Variants in GPC5 observed in about 807,000 individuals in gnomAD.
GPC5 encodes the protein glypican-5.
A neutral mutation model predicts 53.9 loss-of-function variants in GPC5; 47 were observed. The ratio of observed to expected loss-of-function variants is 0.87; its 90% CI spans 0.69 to 1.11. The LOEUF (loss-of-function observed/expected upper bound fraction) is 1.11. Among genes scored for constraint, GPC5 ranks in the 50% most tolerant of loss-of-function variants. The pLI, the probability that GPC5 is intolerant of heterozygous loss-of-function variation, is 0.00. For missense variants in GPC5, 748 were observed against 713.1 expected, an observed-to-expected ratio of 1.05 and a Z score of -0.56; for synonymous variants, 286 against 263.3, an observed-to-expected ratio of 1.09 and a Z score of -0.84.
intron 5 of GPC5, among the ~76,000 whole-genome samples, chr13:91,837,015 A>T (rs1476500574): frequency 6.7e-6 from 1 of 150,258 alleles, no homozygotes; most frequent in Non-Finnish European, 1.5e-5. Context: ...TATATCAGAA[A>T]TTAAAACTAA....
At chr13:92,149,812 A>G (rs1010248488) in intron 7 of GPC5, among the ~76,000 whole-genome samples, 41 of 152,018 alleles carry the variant, frequency 2.7e-4, no homozygotes, top group African/African-American at 9.9e-4. Flanking sequence ...TTCCAGAACT[A>G]GGAAAACTAT....
rs185606411 is a variant in GPC5, at chr13:91,943,390, T to C, written c.1401+35333T>C. On this transcript the variant is annotated intron_variant, in intron 6 of 7. Transcript: ENST00000377067. ...GACCATCTATGAATTTTCTGTATTCTTTATTTCAGTGTGATCACATGGTTA... is the reference window on the plus strand; with the variant it reads ...GACCATCTATGAATTTTCTGTATTCCTTATTTCAGTGTGATCACATGGTTA... Among the ~76,000 whole-genome samples, 978 of 152,242 alleles carry C rather than the reference T, an allele frequency of 6.4e-3. 2 individuals are homozygous for C. Among genetic ancestry groups the C allele is most frequent in the Non-Finnish European group, 0.011 (723 of 67,992 alleles).
intron 7 of GPC5, among the ~76,000 whole-genome samples, chr13:92,810,186 G>A (rs893942396): frequency 5.3e-5 from 8 of 150,140 alleles, no homozygotes; most frequent in Non-Finnish European, 1.2e-4. Context: ...AATTCTACTA[G>A]GTAATCACAA....
chr13:92,399,677 C>T (rs1282184033), intron 7 of GPC5, among the ~76,000 whole-genome samples: 4 of 152,328 alleles, frequency 2.6e-5, no homozygotes, highest in African/African-American at 9.6e-5. Flanking sequence ...TTGAGCACAG[C>T]TTCACGAGAA....
At chr13:92,302,963 T>C (rs1160635387) in intron 7 of GPC5, among the ~76,000 whole-genome samples, 2 of 152,224 alleles carry the variant, frequency 1.3e-5, no homozygotes, top group Non-Finnish European at 2.9e-5. Context: ...TTGTTTTCAT[T>C]TTCAAAACCT....
At chr13:92,065,197 GTCTA>G (rs1298496185) in intron 6 of GPC5, among the ~76,000 whole-genome samples, 5 of 152,098 alleles carry the variant, frequency 3.3e-5, no homozygotes, top group Non-Finnish European at 7.4e-5. Flanking sequence ...ATAGTTATGA[GTCTA>G]TCTATCAAGT....
Position 91,738,787 on chromosome 13 carries a change from C to G in GPC5, c.1154+10122C>G, listed in dbSNP as rs1014921270. On this transcript the variant is annotated intron_variant, in intron 4 of 7. Transcript: ENST00000377067. ...ATATAAGAAACTTAGGATAGTTTCA[C>G]TCCATTACCCTCTTCCCTTTTTTTA... Among the ~76,000 whole-genome samples the G allele has an allele frequency of 2.0e-5, 3 of 151,324 alleles. 1 individual carries two copies. The highest frequency in any genetic ancestry group is 7.4e-5 in the African/African-American group (3 of 40,706).
chr13:91,630,888 A>G (rs1244717896), intron 2 of GPC5, among the ~76,000 whole-genome samples: 1 of 152,052 alleles, frequency 6.6e-6, no homozygotes, highest in Non-Finnish European at 1.5e-5. Context: ...TAACAATAAG[A>G]GATATATGTT....
intron 6 of GPC5, among the ~76,000 whole-genome samples, chr13:91,986,229 C>A (rs1353160071): frequency 1.3e-5 from 2 of 151,794 alleles, no homozygotes; most frequent in Non-Finnish European, 2.9e-5. Flanking sequence ...CCATGCCCGG[C>A]TAATTTTTTG....
intron 6 of GPC5, among the ~76,000 whole-genome samples, chr13:92,013,539 T>A (rs2040680179): frequency 6.6e-6 from 1 of 152,140 alleles, no homozygotes; most frequent in African/African-American, 2.4e-5. Context: ...AAAAAGGCAT[T>A]ATTCAAAAGG....
At chr13:91,909,490 A>G (rs2039589061) in intron 6 of GPC5, among the ~76,000 whole-genome samples, 1 of 152,180 alleles carries the variant, frequency 6.6e-6, no homozygotes, top group African/African-American at 2.4e-5. Context: ...TTAAGTGTAT[A>G]TTTATTCAGT....
intron 7 of GPC5, among the ~76,000 whole-genome samples, chr13:92,323,426 A>G (rs1037613713): frequency 3.3e-5 from 5 of 150,690 alleles, no homozygotes; most frequent in African/African-American, 9.7e-5. Flanking sequence ...AAATATGGGG[A>G]AAAAATACCT....
chr13:92,336,270 A>G (rs1333231353), intron 7 of GPC5, among the ~76,000 whole-genome samples: 1 of 151,478 alleles, frequency 6.6e-6, no homozygotes, highest in Non-Finnish European at 1.5e-5. Context: ...TAAAGTAAAT[A>G]CATATTTTCT....
At chr13:91,865,343 A>G (rs1319122964) in intron 5 of GPC5, among the ~76,000 whole-genome samples, 3 of 152,110 alleles carry the variant, frequency 2.0e-5, no homozygotes, top group Non-Finnish European at 4.4e-5. Context: ...AAAAAAATGT[A>G]TCTCGTGTAC....
At chr13:91,471,193 A>AC in intron 2 of GPC5, among the ~76,000 whole-genome samples, 1 of 151,556 alleles carries the variant, frequency 6.6e-6, no homozygotes, top group Admixed American at 6.6e-5. Flanking sequence ...TGTAACAGTC[A>AC]CCCCCTTGGG....
At chr13:91,610,492 G>A (rs1203310762) in intron 2 of GPC5, among the ~76,000 whole-genome samples, 3 of 152,020 alleles carry the variant, frequency 2.0e-5, no homozygotes, top group Non-Finnish European at 2.9e-5. Flanking sequence ...AAAATGCATC[G>A]GCTTCTTCAA....
intron 7 of GPC5, among the ~76,000 whole-genome samples, chr13:92,643,876 A>T (rs1173791492): frequency 2.3e-5 from 3 of 131,634 alleles, no homozygotes; most frequent in Admixed American, 7.4e-5. Flanking sequence ...TTAAAGTATA[A>T]TAAAAAAAGA....
intron 7 of GPC5, among the ~76,000 whole-genome samples, chr13:92,537,886 C>A (rs1008798290): frequency 2.6e-5 from 4 of 152,028 alleles, no homozygotes; most frequent in Non-Finnish European, 5.9e-5. Context: ...CTGTCTCAGT[C>A]TTTTTAATTT....
intron 7 of GPC5, among the ~76,000 whole-genome samples, chr13:92,420,389 A>G (rs1378765582): frequency 1.3e-5 from 2 of 152,052 alleles, no homozygotes; most frequent in Non-Finnish European, 2.9e-5. Context: ...GTAGGTGTAT[A>G]TATTTACATG....
Sources: allele counts gnomAD v4.1 joint callset (sites outside exome capture counted in the v4.1 genomes callset), GRCh38; gene constraint gnomAD v4.1.1; transcripts MANE v1.5; gene names NCBI Gene and HGNC (gene_info 2026-07-23, HGNC 2026-07-21).